Variants in LRIG1 observed in about 807,000 individuals in gnomAD.
The protein encoded by LRIG1 is leucine rich repeats and immunoglobulin like domains 1.
In LRIG1, 48 loss-of-function variants were observed where a neutral mutation model predicts 99.2. The observed-to-expected ratio is 0.48, with a 90% CI of 0.38 to 0.62. The LOEUF (loss-of-function observed/expected upper bound fraction) is 0.62. Among genes scored for constraint, LRIG1 ranks in the 20% least tolerant of loss-of-function variants. The pLI, the probability that LRIG1 is intolerant of heterozygous loss-of-function variation, is 0.00. For missense variants in LRIG1, 1,646 were observed against 1,434.4 expected (o/e 1.15, Z -2.38); for synonymous variants, 772 against 596.1 (o/e 1.29, Z -4.30).
chr3:66,497,633 T>C (rs1391704711), intron 1 of LRIG1, among the ~76,000 whole-genome samples: 1 of 146,400 alleles, frequency 6.8e-6, no homozygotes, highest in Non-Finnish European at 1.5e-5. Context: ...TGCATTTACA[T>C]TCACTATTTA....
At chr3:66,492,366 AGCTGTTAAAT>A (rs757270412) in intron 1 of LRIG1, among the ~76,000 whole-genome samples, 4 of 152,234 alleles carry the variant, frequency 2.6e-5, no homozygotes, top group Non-Finnish European at 5.9e-5. Flanking sequence ...GGGAGGGGGA[AGCTGTTAAAT>A]GCTGCATAAA....
chr3:66,404,160 T>G, intron 9 of LRIG1: 1 of 940,670 alleles, frequency 1.1e-6, no homozygotes, highest in Non-Finnish European at 1.5e-6. Context: ...AGGACCCTTG[T>G]ATATAAAAGG....
chr3:66,385,485 C>A (rs1340156092), intron 13 of LRIG1, among the ~76,000 whole-genome samples: 1 of 152,144 alleles, frequency 6.6e-6, no homozygotes, highest in African/African-American at 2.4e-5. Flanking sequence ...GACAGTCTCA[C>A]TTTGACACCC....
At chr3:66,464,748 C>T (rs1700433956) in intron 1 of LRIG1, among the ~76,000 whole-genome samples, 1 of 152,140 alleles carries the variant, frequency 6.6e-6, no homozygotes, top group African/African-American at 2.4e-5. Context: ...CACTTCCCAC[C>T]CAGCAAGTAT....
At chr3:66,381,815 T>A (rs1263357474) in intron 16 of LRIG1, among the ~76,000 whole-genome samples, 184 bp from the exon 17 acceptor site, 1 of 152,186 alleles carries the variant, frequency 6.6e-6, no homozygotes, top group Non-Finnish European at 1.5e-5. Context: ...CAGGCTGGCC[T>A]TGTGAAATGA....
chr3:66,423,326 T>C (rs902878939), intron 3 of LRIG1, among the ~76,000 whole-genome samples: 5 of 152,110 alleles, frequency 3.3e-5, no homozygotes, highest in African/African-American at 1.2e-4. Flanking sequence ...ATCCCAGCAC[T>C]TTAGGAGGCT....
chr3:66,465,112 T>C (rs1053029327), intron 1 of LRIG1, among the ~76,000 whole-genome samples: 4 of 152,168 alleles, frequency 2.6e-5, no homozygotes, highest in Admixed American at 2.6e-4. Flanking sequence ...AGAGCACCTG[T>C]TGGCAAAAAA....
At chr3:66,436,502 C>A (rs1703362919) in intron 3 of LRIG1, among the ~76,000 whole-genome samples, 1 of 152,204 alleles carries the variant, frequency 6.6e-6, no homozygotes, top group South Asian at 2.1e-4. Context: ...CGACCATTAA[C>A]ATCCCACAGA....
At chr3:66,468,452 T>G (rs1378873928) in intron 1 of LRIG1, among the ~76,000 whole-genome samples, 2 of 152,220 alleles carry the variant, frequency 1.3e-5, no homozygotes, top group Non-Finnish European at 2.9e-5. Context: ...GTTTTCATAC[T>G]TGGTTTGGTT....
At chr3:66,418,951 C>G (rs938084241) in intron 3 of LRIG1, among the ~76,000 whole-genome samples, 1 of 152,096 alleles carries the variant, frequency 6.6e-6, no homozygotes, top group Non-Finnish European at 1.5e-5. Flanking sequence ...CCTTTGAGTT[C>G]TTTATTAAGT....
chr3:66,465,357 ATTTTTTTTTT>A (rs59148647), intron 1 of LRIG1, among the ~76,000 whole-genome samples: 1 of 67,726 alleles, frequency 1.5e-5, no homozygotes, highest in Admixed American at 1.9e-4. Flanking sequence ...TCTGAGCATA[ATTTTTTTTTT>A]TTTTTTTTTT....
chr3:66,465,656 G>A (rs541015127), intron 1 of LRIG1, among the ~76,000 whole-genome samples: 21 of 151,932 alleles, frequency 1.4e-4, no homozygotes, highest in Non-Finnish European at 2.6e-4. Flanking sequence ...GTGAGCCACC[G>A]TGCCCGGCCT....
In LRIG1 at chr3:66,380,066, C is replaced by CT. The variant is rs796507004; in HGVS notation, c.*196dup. On this transcript the variant is annotated 3_prime_UTR_variant, in exon 19 of 19. Transcript: ENST00000273261. ...CTCTTATGTACAATGATATCAAATACTTTTTTTGCCTTTTGTACACAAATC... is the reference window on the plus strand; with the variant it reads ...CTCTTATGTACAATGATATCAAATACTTTTTTTTGCCTTTTGTACACAAATC... 7.9e-6 allele frequency: 4 copies of CT among 507,008 alleles called. No homozygotes were observed. Among genetic ancestry groups the CT allele is most frequent in the African/African-American group, 5.7e-5 (3 of 52,718 alleles). 31.4% of individuals were successfully genotyped at this position (507,008 alleles called of 1,614,324 possible).
intron 3 of LRIG1, among the ~76,000 whole-genome samples, chr3:66,429,149 C>T (rs1043694457): frequency 6.6e-6 from 1 of 152,234 alleles, no homozygotes; most frequent in African/African-American, 2.4e-5. Context: ...CCATTAACTC[C>T]TTGCAAAGAC....
At position 66,437,726 on chromosome 3, in the gene LRIG1, G is replaced by A. The variant is rs978022058; in HGVS notation, c.365+13833C>T. 4.6e-5 allele frequency among the ~76,000 whole-genome samples: 7 copies of A among 152,262 alleles called. No homozygotes were observed. The East Asian group carries it at 1.2e-3, about 25-fold the overall frequency. ...GCAGCTGCTGCAAGGAAAGACGGAC[G>A]TGGCTACTGTGCCATCAGCCCCTCA... On this transcript the variant is annotated intron_variant, in intron 3 of 18. Transcript: ENST00000273261.
chr3:66,433,378 G>A (rs1703243148), intron 3 of LRIG1, among the ~76,000 whole-genome samples: 1 of 152,182 alleles, frequency 6.6e-6, no homozygotes, highest in African/African-American at 2.4e-5. Flanking sequence ...GTGCTGCAGC[G>A]CTAAAGCTCC....
At chr3:66,474,776 G>A (rs1214364914) in intron 1 of LRIG1, among the ~76,000 whole-genome samples, 6 of 152,116 alleles carry the variant, frequency 3.9e-5, no homozygotes, top group African/African-American at 1.2e-4. Context: ...GGACCCTAGC[G>A]GCAAATTCCA....
intron 2 of LRIG1, among the ~76,000 whole-genome samples, chr3:66,461,044 C>A (rs1700343617): frequency 6.6e-6 from 1 of 152,182 alleles, no homozygotes; most frequent in South Asian, 2.1e-4. Flanking sequence ...GGTGCAATGG[C>A]TCACACCTAT....
chr3:66,401,097 CG>C (rs1324007340), intron 9 of LRIG1, among the ~76,000 whole-genome samples: 1 of 152,204 alleles, frequency 6.6e-6, no homozygotes, highest in Non-Finnish European at 1.5e-5. Flanking sequence ...AAGGGGCAAA[CG>C]GGCCAGAGAC....
Sources: allele counts gnomAD v4.1 joint callset (sites outside exome capture counted in the v4.1 genomes callset), GRCh38; gene constraint gnomAD v4.1.1; transcripts MANE v1.5; gene names NCBI Gene and HGNC (gene_info 2026-07-23, HGNC 2026-07-21).